The following BICD1 variants were observed in gnomAD, a reference collection of about 807,000 sequenced individuals.
The protein encoded by BICD1 is BICD cargo adaptor 1.
In BICD1, 35 loss-of-function variants were observed where a neutral mutation model predicts 92.5. That is an observed-to-expected ratio of 0.38 (90% CI 0.29 to 0.50). The LOEUF (loss-of-function observed/expected upper bound fraction) is 0.50. Among genes scored for constraint, BICD1 ranks in the 20% least tolerant of loss-of-function variants. The pLI is 0.93. For missense variants in BICD1, 950 were observed against 1,189.8 expected (o/e 0.80, Z 2.97); for synonymous variants, 429 against 465.1 (o/e 0.92, Z 1.00).
chr12:32,372,498 G>T (rs758677492), intron 9 of BICD1, among the ~76,000 whole-genome samples: 2 of 152,028 alleles, frequency 1.3e-5, no homozygotes, highest in Non-Finnish European at 2.9e-5. Context: ...AAATTATTTT[G>T]TACTTCCCTC....
At chr12:32,230,891 A>T (rs1206175605) in intron 2 of BICD1, among the ~76,000 whole-genome samples, 1 of 152,158 alleles carries the variant, frequency 6.6e-6, no homozygotes, top group Non-Finnish European at 1.5e-5. Context: ...GACTGCTGTC[A>T]TCCCATCTGC....
chr12:32,129,482 G>A (rs61926886), intron 1 of BICD1, among the ~76,000 whole-genome samples: 42,484 of 138,582 alleles, frequency 0.31, 6,329 homozygotes, highest in Admixed American at 0.48. Flanking sequence ...CTGAGATGGC[G>A]CAACTATACT....
chr12:32,186,108 A>C (rs1258844509), intron 1 of BICD1, among the ~76,000 whole-genome samples: 1 of 152,240 alleles, frequency 6.6e-6, no homozygotes, highest in African/African-American at 2.4e-5. Context: ...ATCTGCCTTG[A>C]ACATGGTTAG....
At position 32,116,682 on chromosome 12, in the gene BICD1, CTA is replaced by C. The variant is rs1339384176; in HGVS notation, c.213+9140_213+9141del. On this transcript the variant is annotated intron_variant, in intron 1 of 9. Transcript: ENST00000652176. Reference sequence around the variant, plus strand: ...CCACAGGTGCACACCACTATGCTGGCTATTTTTTTTTTTTTTAACCTGATTTT... The same window carrying C: ...CCACAGGTGCACACCACTATGCTGGCTTTTTTTTTTTTTTAACCTGATTTT... 9.1e-4 allele frequency among the ~76,000 whole-genome samples: 54 copies of C among 59,202 alleles called. No individual in the cohort carries two copies. In the Admixed American group the frequency reaches 0.011, roughly 12 times the overall value. The allele number at this position is 59,202 out of a possible 152,430, so 38.8% of individuals were successfully genotyped here. A position where few individuals can be genotyped will look rare whatever the true frequency, so the allele number is the denominator to read the frequency against.
chr12:32,321,513 G>A (rs927534012), intron 4 of BICD1, among the ~76,000 whole-genome samples: 1 of 152,094 alleles, frequency 6.6e-6, no homozygotes, highest in Non-Finnish European at 1.5e-5. Flanking sequence ...TCCAGTTCCA[G>A]ACAGAAAATG....
rs1286625118 is a variant in BICD1, at chr12:32,337,671, G to A, written c.2425G>A (p.Gly809Ser). 2 of 1,614,184 alleles carry A rather than the reference G, an allele frequency of 1.2e-6. No homozygotes were observed. Among genetic ancestry groups the A allele is most frequent in the East Asian group, 2.2e-5 (1 of 44,884 alleles). Residue 809 changes from glycine (G) to serine (S), a missense_variant, in exon 7 of 10, where the codon GGC (glycine) becomes AGC (serine). Gly to Ser is a moderately conservative substitution (Grantham distance 56). Coordinates refer to ENST00000652176, the MANE Select transcript of BICD1 (RefSeq NM_001714.4). This position sits in a 1 kb window ranked among gnomAD's most constrained non-coding sequence, Gnocchi z 4.7. ...FDHEQSRRSK[G>S]KLGKSKIGSP... ...CCATGAGCAGTCCCGACGCAGCAAAGGCAAACTTGGAAAGAGCAAGATCGG... is the reference window on the plus strand; with the variant it reads ...CCATGAGCAGTCCCGACGCAGCAAAAGCAAACTTGGAAAGAGCAAGATCGG...
At chr12:32,243,911 C>T (rs1205045100) in intron 2 of BICD1, among the ~76,000 whole-genome samples, 2 of 152,172 alleles carry the variant, frequency 1.3e-5, no homozygotes, top group Non-Finnish European at 2.9e-5. Flanking sequence ...AATTAAAAAT[C>T]TTCCCCTAAA....
At chr12:32,353,757 T>A (rs1443012172) in intron 8 of BICD1, 4 of 152,168 alleles carry the variant, frequency 2.6e-5, no homozygotes, top group African/African-American at 9.7e-5. Context: ...ATTCTGACAT[T>A]TCAAAGGTAC....
intron 1 of BICD1, among the ~76,000 whole-genome samples, chr12:32,110,611 T>C (rs1941648618): frequency 6.6e-6 from 1 of 152,168 alleles, no homozygotes; most frequent in African/African-American, 2.4e-5. Flanking sequence ...ATGTTTGGGA[T>C]GTACGTAAAT....
chr12:32,340,434 T>C lies in BICD1; in HGVS notation c.2764+1455T>C, dbSNP rs1938320932. ...AGTGGTAATGATTTATCAGGATACCTAACTCGGATAAAACCCACAAGTCTT... is the reference window on the plus strand; with the variant it reads ...AGTGGTAATGATTTATCAGGATACCCAACTCGGATAAAACCCACAAGTCTT... On this transcript the variant is annotated intron_variant, in intron 8 of 9. Transcript: ENST00000652176. The C allele has an allele frequency of 4.1e-6, 4 of 985,348 alleles. No individual in the cohort carries two copies. The South Asian group carries it at 1.4e-4, about 35-fold the overall frequency. The allele number at this position is 985,348 out of a possible 1,614,324, so 61.0% of individuals were successfully genotyped here.
At chr12:32,163,997 C>G (rs1000527551) in intron 1 of BICD1, among the ~76,000 whole-genome samples, 28 of 152,120 alleles carry the variant, frequency 1.8e-4, no homozygotes, top group African/African-American at 6.3e-4. Context: ...TTTTTTAAGA[C>G]AGAGTCTCAC....
intron 5 of BICD1, among the ~76,000 whole-genome samples, chr12:32,330,480 G>A (rs963946953): frequency 6.6e-6 from 1 of 151,496 alleles, no homozygotes; most frequent in Non-Finnish European, 1.5e-5. Flanking sequence ...TGTAAATGAC[G>A]AGTTAATGGG....
chr12:32,155,417 G>A (rs1236944369), intron 1 of BICD1, among the ~76,000 whole-genome samples: 7 of 152,170 alleles, frequency 4.6e-5, no homozygotes, highest in African/African-American at 1.7e-4. Context: ...AATAGGCTGA[G>A]GATTTCAGCT....
At position 32,248,747 on chromosome 12, in the gene BICD1, A is replaced by C. The variant is rs150714837; in HGVS notation, c.426+32288A>C. Reference sequence around the variant, plus strand: ...CAACCAGGAGGAATTAGGCACGTGGACACCAGAGGGTGAGTAGAGTAGAAT... The same window carrying C: ...CAACCAGGAGGAATTAGGCACGTGGCCACCAGAGGGTGAGTAGAGTAGAAT... On this transcript the variant is annotated intron_variant, in intron 2 of 9. Coordinates refer to ENST00000652176, the MANE Select transcript of BICD1 (RefSeq NM_001714.4). Among the ~76,000 whole-genome samples, 19 of 152,248 alleles carry C rather than the reference A, an allele frequency of 1.2e-4. No individual in the cohort carries two copies. The East Asian group carries it at 3.1e-3, about 25-fold the overall frequency.
intron 2 of BICD1, among the ~76,000 whole-genome samples, chr12:32,270,397 A>C (rs1216675997): frequency 6.6e-6 from 1 of 152,172 alleles, no homozygotes; most frequent in African/African-American, 2.4e-5. Context: ...TGAAAGTATA[A>C]AAGTTTCGTT....
chr12:32,347,883 A>G (rs73303911), intron 8 of BICD1, among the ~76,000 whole-genome samples: 3,589 of 152,272 alleles, frequency 0.024, 135 homozygotes, highest in African/African-American at 0.081. Context: ...GCATCCTGCC[A>G]GTTTTAAATA....
chr12:32,148,274 T>G (rs1957134741), intron 1 of BICD1, among the ~76,000 whole-genome samples: 1 of 152,136 alleles, frequency 6.6e-6, no homozygotes, highest in Non-Finnish European at 1.5e-5. Context: ...ACACTAGGTT[T>G]TCAGAGTCTG....
At chr12:32,272,218 C>A (rs1394535177) in intron 2 of BICD1, among the ~76,000 whole-genome samples, 1 of 152,162 alleles carries the variant, frequency 6.6e-6, no homozygotes, top group Non-Finnish European at 1.5e-5. Context: ...GCTGCTACTT[C>A]TCCTGGCCCA....
At chr12:32,374,744 T>G (rs1286448045) in intron 9 of BICD1, among the ~76,000 whole-genome samples, 1 of 135,928 alleles carries the variant, frequency 7.4e-6, no homozygotes, top group African/African-American at 2.8e-5. Flanking sequence ...ATTTTTTTTT[T>G]TTTTTTTTTT....
Sources: gnomAD v4.1 joint callset for allele counts (sites outside exome capture counted in the v4.1 genomes callset) on GRCh38, gnomAD v4.1.1 for gene constraint, Gnocchi (gnomAD v3.1) non-coding constraint, MANE v1.5 for transcripts, NCBI Gene and HGNC (gene_info 2026-07-23, HGNC 2026-07-21) for gene names.